TRIM26: variants seen among roughly 807,000 people sequenced by gnomAD.
The protein encoded by TRIM26 is tripartite motif containing 26, also known as tripartite motif-containing protein 26.
A neutral mutation model predicts 45.5 loss-of-function variants in TRIM26; 16 were observed. That is an observed-to-expected ratio of 0.35 (90% CI 0.24 to 0.53). The LOEUF (loss-of-function observed/expected upper bound fraction) is 0.53, where lower values mean the gene tolerates loss of function less well. Ranked by LOEUF, TRIM26 falls within the 20% of genes least tolerant of loss-of-function variation. TRIM26 has a pLI of 0.92. For synonymous variants in TRIM26, 273 were observed against 290.4 expected (o/e 0.94, Z 0.61); for missense variants, 442 against 691.1 (o/e 0.64, Z 4.04).
chr6:30,203,678 A>G (rs1777430031), intron 2 of TRIM26, among the ~76,000 whole-genome samples: 1 of 152,152 alleles, frequency 6.6e-6, no homozygotes, highest in South Asian at 2.1e-4. Flanking sequence ...TGGCTTCCCA[A>G]AGTGCTGGGA....
At chr6:30,206,747 G>A (rs950912038) in intron 1 of TRIM26, among the ~76,000 whole-genome samples, 14 of 152,182 alleles carry the variant, frequency 9.2e-5, no homozygotes, top group Admixed American at 7.9e-4. Flanking sequence ...ACTGACTTAG[G>A]ATCTCCAGAG....
At chr6:30,191,914 G>C (rs896567845) in intron 6 of TRIM26, among the ~76,000 whole-genome samples, 16 of 152,256 alleles carry the variant, frequency 1.1e-4, no homozygotes, top group African/African-American at 3.9e-4. Context: ...AGTAGCTGGA[G>C]TGTGGGCCAG....
chr6:30,207,381 G>A lies in TRIM26; in HGVS notation c.-375-2616C>T, dbSNP rs575678715. On this transcript the variant is annotated intron_variant, in intron 1 of 9. Coordinates refer to ENST00000454678, the MANE Select transcript of TRIM26 (RefSeq NM_003449.5). This position sits in a 1 kb window ranked among gnomAD's most constrained non-coding sequence, Gnocchi z 4.9. Reference sequence around the variant, plus strand: ...TACCAGAACTTACATCCAGTGACCTGAGGAATCCTTTAGAAGCTGAAATCA... The same window carrying A: ...TACCAGAACTTACATCCAGTGACCTAAGGAATCCTTTAGAAGCTGAAATCA... Among the ~76,000 whole-genome samples the A allele has an allele frequency of 6.6e-6, 1 of 152,316 alleles. No homozygotes were observed. Among genetic ancestry groups the A allele is most frequent in the East Asian group, 1.9e-4 (1 of 5,182 alleles).
chr6:30,190,949 C>T lies in TRIM26; in HGVS notation c.766-914G>A, dbSNP rs903030106. On this transcript the variant is annotated intron_variant, in intron 6 of 9. Transcript: ENST00000454678. This position sits in a 1 kb window ranked among gnomAD's most constrained non-coding sequence, Gnocchi z 4.3. ...GTCACTGTACAGCAGTGAGCCAAAA[C>T]CCTAAGTGACCACTCACTTGGCTGC... Among the ~76,000 whole-genome samples the T allele has an allele frequency of 6.6e-6, 1 of 152,056 alleles. No individual in the cohort carries two copies. Among genetic ancestry groups the T allele is most frequent in the Non-Finnish European group, 1.5e-5 (1 of 68,024 alleles).
chr6:30,189,844 C>G lies in TRIM26; in HGVS notation c.788+169G>C, dbSNP rs2127487347. The G allele has an allele frequency of 3.9e-6, 3 of 771,136 alleles. No homozygotes were observed. The highest frequency in any genetic ancestry group is 6.4e-6 in the Non-Finnish European group (3 of 471,040). 47.8% of individuals were successfully genotyped at this position (771,136 alleles called of 1,614,324 possible). On this transcript the variant is annotated intron_variant, in intron 7 of 9. Transcript: ENST00000454678. This position sits in a 1 kb window ranked among gnomAD's most constrained non-coding sequence, Gnocchi z 5.0. ...GAACCATAAGGAGGAGAGCAAGTCT[C>G]CAGTTCTCAATGATGTGTCCTGCTC...
intron 9 of TRIM26, chr6:30,188,217 CAAAA>C (rs9280914): frequency 2.5e-4 from 26 of 105,394 alleles, no homozygotes; most frequent in South Asian, 1.7e-3. Flanking sequence ...GACTCCGTCT[CAAAA>C]AAAAAAAAAA....
In TRIM26 at chr6:30,198,676, T is replaced by C; in HGVS notation, c.428A>G (p.Gln143Arg). The change falls in exon 4 of 10, where the codon CAG becomes CGG. Residue 143 changes from glutamine to arginine, a missense_variant. Gln to Arg is a conservative substitution (Grantham distance 43, BLOSUM62 1). Transcript: ENST00000454678. The surrounding 1 kb of genome is among the most constrained non-coding windows in gnomAD (Gnocchi z 6.3). Reference protein sequence around the residue: ...HTAVLMEKAAQPHREKILNHL... With the variant: ...HTAVLMEKAARPHREKILNHL... ...GTGAAGAGGGCTTACCCTGTGGGGC[T>C]GGGCGGCCTTCTCCATGAGGACGGC... The C allele has an allele frequency of 6.2e-7, 1 of 1,604,424 alleles. No individual in the cohort carries two copies.
At position 30,189,913 on chromosome 6, in the gene TRIM26, G is replaced by A. The variant is rs539369842; in HGVS notation, c.788+100C>T. ...TGAACCATGGGATGTGAGTACCTCT[G>A]GCACCATACCACTCCCCATGAATTC... On this transcript the variant is annotated intron_variant, in intron 7 of 9. Transcript: ENST00000454678. The surrounding 1 kb of genome is among the most constrained non-coding windows in gnomAD (Gnocchi z 5.0). 1.9e-4 allele frequency: 273 copies of A among 1,419,738 alleles called. No homozygotes were observed. Among genetic ancestry groups the A allele is most frequent in the Non-Finnish European group, 2.6e-4 (258 of 1,007,134 alleles). 87.9% of individuals were successfully genotyped at this position (1,419,738 alleles called of 1,614,324 possible).
rs1221940412 is a variant in TRIM26, at chr6:30,196,492, C to T, written c.765+24G>A. 7 of 1,598,182 alleles carry T rather than the reference C, an allele frequency of 4.4e-6. No homozygotes were observed. The highest frequency in any genetic ancestry group is 3.3e-5 in the Admixed American group (2 of 59,928). Reference sequence around the variant, plus strand: ...GGACCCACCGTCCTGGTCCCTGGCGCCCTGCCCAGGGACGGCCTCTCACCT... The same window carrying T: ...GGACCCACCGTCCTGGTCCCTGGCGTCCTGCCCAGGGACGGCCTCTCACCT... On this transcript the variant is annotated intron_variant, in intron 6 of 9. Coordinates refer to ENST00000454678, the MANE Select transcript of TRIM26 (RefSeq NM_003449.5). This position sits in a 1 kb window ranked among gnomAD's most constrained non-coding sequence, Gnocchi z 4.9.
Position 30,198,618 on chromosome 6 carries a change from G to A in TRIM26, c.438+48C>T. The A allele has an allele frequency of 1.9e-6, 3 of 1,608,126 alleles. No individual in the cohort carries two copies. Among genetic ancestry groups the A allele is most frequent in the Non-Finnish European group, 2.5e-6 (3 of 1,177,818 alleles). ...AGTCCTCTGAGGACTGCAAGGTGGA[G>A]CATCCAGAGAAGGTGGCAAGGCACC... On this transcript the variant is annotated intron_variant, in intron 4 of 9. Transcript: ENST00000454678. This position sits in a 1 kb window ranked among gnomAD's most constrained non-coding sequence, Gnocchi z 6.3.
chr6:30,203,790 GTTCCT>G (rs1681625619), intron 2 of TRIM26, among the ~76,000 whole-genome samples: 1 of 140,586 alleles, frequency 7.1e-6, no homozygotes, highest in African/African-American at 2.7e-5. Flanking sequence ...ATTTGAAATG[GTTCCT>G]TTCTTTTTTT....
At chr6:30,201,915 A>C (rs1231180903) in intron 2 of TRIM26, among the ~76,000 whole-genome samples, 1 of 152,170 alleles carries the variant, frequency 6.6e-6, no homozygotes, top group Non-Finnish European at 1.5e-5. Context: ...TGTTGAGGAA[A>C]TAAGCCTGGC....
chr6:30,201,566 C>A (rs1489592320), intron 2 of TRIM26, among the ~76,000 whole-genome samples: 2 of 152,154 alleles, frequency 1.3e-5, no homozygotes, highest in Non-Finnish European at 2.9e-5. Context: ...TAGGAATTGG[C>A]CGGGCACGGT....
intron 1 of TRIM26, among the ~76,000 whole-genome samples, chr6:30,211,651 A>T (rs529293875): frequency 6.6e-6 from 1 of 152,340 alleles, no homozygotes; most frequent in East Asian, 1.9e-4. Context: ...GCAAGGTCAC[A>T]TAAGTACGAG....
chr6:30,200,401 T>A (rs1777043527), intron 3 of TRIM26, among the ~76,000 whole-genome samples: 1 of 152,224 alleles, frequency 6.6e-6, no homozygotes, highest in East Asian at 1.9e-4. Flanking sequence ...CATTTCCCTT[T>A]GTGAGTATTT....
At chr6:30,210,793 A>C (rs1163358235) in intron 1 of TRIM26, among the ~76,000 whole-genome samples, 1 of 152,212 alleles carries the variant, frequency 6.6e-6, no homozygotes, top group Non-Finnish European at 1.5e-5. Context: ...CTTGTACTGT[A>C]CTTACCCTTC....
At chr6:30,212,604 G>T (rs1232842739) in intron 1 of TRIM26, among the ~76,000 whole-genome samples, 1 of 152,010 alleles carries the variant, frequency 6.6e-6, no homozygotes, top group African/African-American at 2.4e-5. Context: ...TTTTTTTAAA[G>T]GTGATTTTTT....
At position 30,189,266 on chromosome 6, in the gene TRIM26, C is replaced by T; in HGVS notation, c.905-67G>A. On this transcript the variant is annotated intron_variant, in intron 8 of 9. Transcript: ENST00000454678. This position sits in a 1 kb window ranked among gnomAD's most constrained non-coding sequence, Gnocchi z 5.0. ...TTTATGAGCCCATTTCTTGCTCGGG[C>T]AGTATCAATTTCCTGATAGGGATCC... is the stretch of plus-strand genomic sequence containing the variant. The T allele has an allele frequency of 6.2e-7, 1 of 1,607,384 alleles. No individual in the cohort carries two copies. The highest frequency in any genetic ancestry group is 8.5e-7 in the Non-Finnish European group (1 of 1,174,942).
chr6:30,210,173 C>G (rs1379048722), intron 1 of TRIM26, among the ~76,000 whole-genome samples: 2 of 151,674 alleles, frequency 1.3e-5, no homozygotes, highest in African/African-American at 2.4e-5. Context: ...CCACTGCACT[C>G]CAGCCTGGGT....
Sources: gnomAD v4.1 joint callset for allele counts (sites outside exome capture counted in the v4.1 genomes callset) on GRCh38, gnomAD v4.1.1 for gene constraint, Gnocchi (gnomAD v3.1) non-coding constraint, MANE v1.5 for transcripts, NCBI Gene and HGNC (gene_info 2026-07-23, HGNC 2026-07-21) for gene names.